The following RASGRF2 variants were observed in gnomAD, a reference collection of about 807,000 sequenced individuals.
RASGRF2 encodes the protein Ras protein specific guanine nucleotide releasing factor 2.
A neutral mutation model predicts 151.0 loss-of-function variants in RASGRF2; 76 were observed. The observed-to-expected ratio is 0.50, with a 90% CI of 0.42 to 0.61. RASGRF2 has a LOEUF of 0.61. Among genes scored for constraint, RASGRF2 ranks in the 20% least tolerant of loss-of-function variants. The probability of loss-of-function intolerance (pLI) is 0.00; values close to 1 mark genes in which losing one functional copy is unlikely to be tolerated. For missense variants in RASGRF2, 1,148 were observed against 1,564.6 expected (o/e 0.73, Z 4.49); for synonymous variants, 504 against 566.5 (o/e 0.89, Z 1.57).
At chr5:81,063,792 CT>C (rs537422826) in intron 2 of RASGRF2, among the ~76,000 whole-genome samples, 23 of 151,866 alleles carry the variant, frequency 1.5e-4, no homozygotes, top group Non-Finnish European at 2.9e-4. Flanking sequence ...TAGTAATTAT[CT>C]TTTTTTTCCA....
chr5:80,964,181 A>G (rs987486517), intron 1 of RASGRF2, among the ~76,000 whole-genome samples: 4 of 152,158 alleles, frequency 2.6e-5, no homozygotes, highest in Non-Finnish European at 4.4e-5. Context: ...TCAGCCTTCC[A>G]TAGTGACTAC....
chr5:80,969,517 T>A (rs183225713), intron 1 of RASGRF2, among the ~76,000 whole-genome samples: 5 of 151,414 alleles, frequency 3.3e-5, no homozygotes, highest in African/African-American at 4.9e-5. Context: ...GGCGCGATCT[T>A]GGCTCACTGC....
intron 1 of RASGRF2, among the ~76,000 whole-genome samples, chr5:80,981,335 T>G (rs2112239037): frequency 6.6e-6 from 1 of 152,244 alleles, no homozygotes; most frequent in Admixed American, 6.5e-5. Context: ...CTTTAAAAAT[T>G]GTGGTACCTG....
At chr5:81,133,357 A>T (rs547344633) in intron 17 of RASGRF2, among the ~76,000 whole-genome samples, 3 of 152,216 alleles carry the variant, frequency 2.0e-5, no homozygotes, top group Non-Finnish European at 4.4e-5. Flanking sequence ...GTGTGCCACC[A>T]CACTGATTGA....
At chr5:81,203,176 T>G (rs970367534) in intron 19 of RASGRF2, among the ~76,000 whole-genome samples, 11 of 152,260 alleles carry the variant, frequency 7.2e-5, no homozygotes, top group Admixed American at 7.2e-4. Flanking sequence ...GATTACTGTT[T>G]CTTTTCTCTT....
intron 17 of RASGRF2, among the ~76,000 whole-genome samples, chr5:81,157,147 C>T (rs992806743): frequency 6.6e-6 from 1 of 151,790 alleles, no homozygotes; most frequent in Non-Finnish European, 1.5e-5. Flanking sequence ...GGGCGGATCA[C>T]GAGGTCAGGA....
At chr5:81,030,336 G>C (rs921860828) in intron 1 of RASGRF2, among the ~76,000 whole-genome samples, 2 of 152,112 alleles carry the variant, frequency 1.3e-5, no homozygotes, top group Non-Finnish European at 2.9e-5. Context: ...GCAACTCCAA[G>C]ACACATAATT....
rs1310102034 is a variant in RASGRF2 at position 81,123,699 on chromosome 5, ACAC to A, written c.2532_2534del (p.Thr845del). On this transcript the variant is annotated inframe_deletion, in exon 16 of 27. Transcript: ENST00000265080. ...GGAGTGGAAAGCTCCCCTGCAGCGG[ACAC>A]CACAGAACTTTCACCTTGCAGATCC... 1.2e-6 allele frequency: 2 copies of A among 1,614,030 alleles called. No homozygotes were observed. Among genetic ancestry groups the A allele is most frequent in the Non-Finnish European group, 1.7e-6 (2 of 1,179,974 alleles).
rs556986911 is a variant in RASGRF2 at position 81,160,604 on chromosome 5, G to A, written c.2687-19571G>A. ...GGGGAATCGCTTGAACCTGGGAGGC[G>A]GAGGTTGCAGTGAGCCAAGATCGCG... is the stretch of plus-strand genomic sequence containing the variant. On this transcript the variant is annotated intron_variant, in intron 17 of 26. Coordinates refer to ENST00000265080, the MANE Select transcript of RASGRF2 (RefSeq NM_006909.3). Among the ~76,000 whole-genome samples, 84 of 151,470 alleles carry A rather than the reference G, an allele frequency of 5.5e-4. 1 individual carries two copies. The highest frequency in any genetic ancestry group is 3.7e-3 in the Admixed American group (56 of 15,206).
intron 1 of RASGRF2, among the ~76,000 whole-genome samples, chr5:81,035,479 G>A (rs542336625): frequency 9.9e-4 from 150 of 152,186 alleles, no homozygotes; most frequent in Admixed American, 1.8e-3. Context: ...GGGCGAGTGG[G>A]GAGGGATAGC....
intron 18 of RASGRF2, among the ~76,000 whole-genome samples, chr5:81,196,895 A>C (rs1755277680): frequency 6.6e-6 from 1 of 152,254 alleles, no homozygotes; most frequent in Non-Finnish European, 1.5e-5. Flanking sequence ...GATGAAAGTG[A>C]GAGCATTAAC....
intron 1 of RASGRF2, among the ~76,000 whole-genome samples, chr5:81,024,569 T>A (rs1235706861): frequency 1.3e-5 from 2 of 152,096 alleles, no homozygotes; most frequent in African/African-American, 4.8e-5. Context: ...CTCATATGAT[T>A]ATTGACCTGA....
intron 18 of RASGRF2, among the ~76,000 whole-genome samples, chr5:81,190,854 GA>G (rs1755140224): frequency 1.3e-5 from 2 of 152,222 alleles, no homozygotes; most frequent in Non-Finnish European, 2.9e-5. Flanking sequence ...TGCCGAAACA[GA>G]AACATTTTCC....
At position 81,032,312 on chromosome 5, in the gene RASGRF2, T is replaced by C. The variant is rs532410473; in HGVS notation, c.289-10565T>C. Among the ~76,000 whole-genome samples, 11 of 152,298 alleles carry C rather than the reference T, an allele frequency of 7.2e-5. No homozygotes were observed. In the South Asian group the frequency reaches 2.1e-3, roughly 29 times the overall value. On this transcript the variant is annotated intron_variant, in intron 1 of 26. Transcript: ENST00000265080. ...CTCATTTTATGAGGCTAGCATCATC[T>C]TGATACCAAAGCCTGGCAGAGACAC... is the stretch of plus-strand genomic sequence containing the variant.
chr5:81,173,036 T>A (rs767186066), intron 17 of RASGRF2, among the ~76,000 whole-genome samples: 25 of 152,252 alleles, frequency 1.6e-4, no homozygotes, highest in Non-Finnish European at 3.4e-4. Flanking sequence ...TGAGTTGGAT[T>A]TTCTGTACCT....
At chr5:81,100,339 C>T (rs1448780978) in intron 12 of RASGRF2, among the ~76,000 whole-genome samples, 1 of 151,994 alleles carries the variant, frequency 6.6e-6, no homozygotes, top group African/African-American at 2.4e-5. Context: ...TGCTACAATC[C>T]CAGTTTCCCA....
intron 17 of RASGRF2, among the ~76,000 whole-genome samples, chr5:81,128,957 G>C (rs1007884907): frequency 6.6e-6 from 1 of 151,994 alleles, no homozygotes; most frequent in Non-Finnish European, 1.5e-5. Context: ...TGGCCAACAT[G>C]ATGAATCCCC....
chr5:81,206,327 C>T (rs28539026), intron 19 of RASGRF2, among the ~76,000 whole-genome samples: 12,514 of 152,164 alleles, frequency 0.082, 988 homozygotes, highest in East Asian at 0.25. Flanking sequence ...TCTGCTGGCT[C>T]CTGCCTGGCA....
At position 81,098,451 on chromosome 5, in the gene RASGRF2, A is replaced by G. The variant is rs186815369; in HGVS notation, c.1755+3459A>G. ...TGTTGAGATCGCCAAGGGAATATGC[A>G]TAGGTAGAAGTAAGAGGGCTGCAGA... On this transcript the variant is annotated intron_variant, in intron 12 of 26. Transcript: ENST00000265080. Among the ~76,000 whole-genome samples the G allele has an allele frequency of 1.4e-3, 213 of 152,248 alleles. 1 individual carries two copies. Among genetic ancestry groups the G allele is most frequent in the Admixed American group, 0.013 (198 of 15,286 alleles).
Sources: gnomAD v4.1 joint callset for allele counts (sites outside exome capture counted in the v4.1 genomes callset) on GRCh38, gnomAD v4.1.1 for gene constraint, MANE v1.5 for transcripts, NCBI Gene and HGNC (gene_info 2026-07-23, HGNC 2026-07-21) for gene names.